Variants in MOB3C observed in about 807,000 individuals in gnomAD.
MOB3C encodes MOB kinase activator 3C.
MOB3C carries 17 observed loss-of-function variants against 19.8 expected under a neutral mutation model. That is an observed-to-expected ratio of 0.86 (90% CI 0.59 to 1.29). The LOEUF is 1.29. Among genes scored for constraint, MOB3C ranks in the 50% most tolerant of loss-of-function variants. The pLI, the probability that MOB3C is intolerant of heterozygous loss-of-function variation, is 0.00. For missense variants in MOB3C, 291 were observed against 301.9 expected (o/e 0.96, Z 0.27); for synonymous variants, 101 against 119.2 (o/e 0.85, Z 0.99).
At chr1:46,609,777 G>C (rs950088596) in intron 3 of MOB3C, 93 bp from the exon 4 acceptor site, 72 of 1,532,942 alleles carry the variant, frequency 4.7e-5, no homozygotes, top group Non-Finnish European at 6.2e-5. Context: ...TCTTCTGTCT[G>C]AGCCTGGCCT....
At chr1:46,616,621 T>C (rs1675566450) in intron 1 of MOB3C, 90 bp downstream of exon 1, 2 of 152,124 alleles carry the variant, frequency 1.3e-5, no homozygotes, top group Admixed American at 6.5e-5. Flanking sequence ...TCCTCCGGAC[T>C]GTGCCACGCC....
Position 46,609,332 on chromosome 1 carries a change from T to C in MOB3C, c.*323A>G, listed in dbSNP as rs1323750872. 1 of 446,032 alleles carries C rather than the reference T, an allele frequency of 2.2e-6. No homozygotes were observed. The highest frequency in any genetic ancestry group is 2.0e-5 in the African/African-American group (1 of 49,940). 27.6% of individuals were successfully genotyped at this position (446,032 alleles called of 1,614,324 possible). ...TGCCATCACCTCGGCCACACCCACATTCCTCCAATAGGCTTGGGAACCAGC... is the reference window on the plus strand; with the variant it reads ...TGCCATCACCTCGGCCACACCCACACTCCTCCAATAGGCTTGGGAACCAGC... On this transcript the variant is annotated 3_prime_UTR_variant, in exon 4 of 4. Coordinates refer to ENST00000319928, the MANE Select transcript of MOB3C (RefSeq NM_201403.3).
At chr1:46,613,691 C>T (rs1472607503) in intron 1 of MOB3C, 7 of 353,150 alleles carry the variant, frequency 2.0e-5, no homozygotes, top group Middle Eastern at 7.5e-4. Flanking sequence ...AGGCTCCCTG[C>T]AGGCCCACCA....
chr1:46,611,126 A>T lies in MOB3C; in HGVS notation c.419-922T>A, dbSNP rs143872620. Among the ~76,000 whole-genome samples, 2 of 152,172 alleles carry T rather than the reference A, an allele frequency of 1.3e-5. No individual in the cohort carries two copies. The highest frequency in any genetic ancestry group is 4.8e-5 in the African/African-American group (2 of 41,424). On this transcript the variant is annotated intron_variant, in intron 2 of 3. Transcript: ENST00000319928. This position sits in a 1 kb window ranked among gnomAD's most constrained non-coding sequence, Gnocchi z 4.1. ...GCAAGAGTTAGTTCAGACAGCCCTC[A>T]TTCCTTCAAATATTCAACAACACGA...
chr1:46,609,542 G>A lies in MOB3C; in HGVS notation c.*113C>T. 7.5e-7 allele frequency: 1 copy of A among 1,331,802 alleles called. No individual in the cohort carries two copies. Among genetic ancestry groups the A allele is most frequent in the Non-Finnish European group, 1.1e-6 (1 of 932,656 alleles). The allele number at this position is 1,331,802 out of a possible 1,614,324, so 82.5% of individuals were successfully genotyped here. On this transcript the variant is annotated 3_prime_UTR_variant, in exon 4 of 4. Transcript: ENST00000319928. ...AACCAGAAGTCCAGAGGCTTTGGGTGTGTGGAGTGATTCCAGTGCCTTCAG... is the reference window on the plus strand; with the variant it reads ...AACCAGAAGTCCAGAGGCTTTGGGTATGTGGAGTGATTCCAGTGCCTTCAG...
In MOB3C at chr1:46,609,064, T is replaced by G. The variant is rs180737044; in HGVS notation, c.*591A>C. On this transcript the variant is annotated 3_prime_UTR_variant, in exon 4 of 4. Transcript: ENST00000319928. ...CACTTACACACATGGTCAGATACAC[T>G]GAGTGGGGACGCTGAGCTGTCATCA... 3.6e-3 allele frequency: 589 copies of G among 162,328 alleles called. 3 individuals are homozygous for G. The highest frequency in any genetic ancestry group is 0.013 in the African/African-American group (552 of 41,588). 10.1% of individuals were successfully genotyped at this position (162,328 alleles called of 1,614,324 possible).
At chr1:46,614,916 T>C (rs1158280656) in intron 1 of MOB3C, 5 of 1,355,014 alleles carry the variant, frequency 3.7e-6, no homozygotes, top group Non-Finnish European at 5.3e-6. Context: ...GAGAGCAGCT[T>C]GGAGAGTAGA....
At chr1:46,610,820 A>C (rs183373834) in intron 2 of MOB3C, among the ~76,000 whole-genome samples, 67 of 152,316 alleles carry the variant, frequency 4.4e-4, no homozygotes, top group Non-Finnish European at 5.0e-4. Flanking sequence ...TTTTTAGACT[A>C]TGATAAAAGT....
At chr1:46,614,905 T>G in intron 1 of MOB3C, 12 of 1,278,864 alleles carry the variant, frequency 9.4e-6, no homozygotes, top group East Asian at 2.4e-5. Flanking sequence ...TCTGGTAAAA[T>G]GAGAGCAGCT....
At chr1:46,614,874 G>T in intron 1 of MOB3C, 2 of 916,814 alleles carry the variant, frequency 2.2e-6, no homozygotes, top group Non-Finnish European at 3.4e-6. Flanking sequence ...AACCCACAAA[G>T]GCAGGCCAGG....
At chr1:46,610,850 A>G (rs1182983433) in intron 2 of MOB3C, among the ~76,000 whole-genome samples, 1 of 152,216 alleles carries the variant, frequency 6.6e-6, no homozygotes, top group Non-Finnish European at 1.5e-5. Flanking sequence ...AACTCTCCCC[A>G]GAAATATGTG....
At position 46,609,623 on chromosome 1, in the gene MOB3C, C is replaced by T. The variant is rs1675427355; in HGVS notation, c.*32G>A. The T allele has an allele frequency of 6.2e-7, 1 of 1,613,812 alleles. No homozygotes were observed. Among genetic ancestry groups the T allele is most frequent in the African/African-American group, 1.3e-5 (1 of 74,886 alleles). ...CCAGCCACCCTATGTTCAGATCGTC[C>T]ATCTGATGGCCAAAAAAGTCCAGAC... On this transcript the variant is annotated 3_prime_UTR_variant, in exon 4 of 4. Coordinates refer to ENST00000319928, the MANE Select transcript of MOB3C (RefSeq NM_201403.3).
chr1:46,613,446 T>C, intron 1 of MOB3C, 75 bp from the exon 2 acceptor site: 2 of 1,350,264 alleles, frequency 1.5e-6, no homozygotes, highest in Non-Finnish European at 2.0e-6. Flanking sequence ...CAATTCATCA[T>C]TTCCCTGTCA....
At position 46,609,419 on chromosome 1, in the gene MOB3C, C is replaced by T; in HGVS notation, c.*236G>A. 2 of 603,198 alleles carry T rather than the reference C, an allele frequency of 3.3e-6. No individual in the cohort carries two copies. Among genetic ancestry groups the T allele is most frequent in the Non-Finnish European group, 5.9e-6 (2 of 337,506 alleles). The allele number at this position is 603,198 out of a possible 1,614,324, so 37.4% of individuals were successfully genotyped here. ...CCTACCCTACTCCCAGACTTCATGC[C>T]AGAGGTTTAACTCCACTTCCCTTCT... On this transcript the variant is annotated 3_prime_UTR_variant, in exon 4 of 4. Transcript: ENST00000319928.
At chr1:46,615,163 C>T (rs1029940008) in intron 1 of MOB3C, 5 of 998,358 alleles carry the variant, frequency 5.0e-6, no homozygotes, top group Non-Finnish European at 7.8e-6. Context: ...GGGCTCCCCA[C>T]ATTGCATGGC....
chr1:46,612,628 G>T (rs1479468316), intron 2 of MOB3C, among the ~76,000 whole-genome samples: 2 of 145,718 alleles, frequency 1.4e-5, no homozygotes, highest in Non-Finnish European at 3.0e-5. Context: ...CTCACCACTG[G>T]GTGAAAGACC....
At chr1:46,609,867 G>A (rs1027765798) in intron 3 of MOB3C, 135 bp downstream of exon 3, 1 of 1,236,036 alleles carries the variant, frequency 8.1e-7, no homozygotes, top group Non-Finnish European at 1.2e-6. Context: ...TTGAAGTACA[G>A]AATTCACTGT....
intron 3 of MOB3C, 89 bp downstream of exon 3, chr1:46,609,913 G>A: frequency 6.9e-7 from 1 of 1,442,140 alleles, no homozygotes; most frequent in Non-Finnish European, 9.7e-7. Flanking sequence ...ATCTACTTGG[G>A]CGTTGGAGTT....
chr1:46,613,575 G>T, intron 1 of MOB3C: 1 of 584,432 alleles, frequency 1.7e-6, no homozygotes, highest in Non-Finnish European at 3.0e-6. Flanking sequence ...AGCCCCCACA[G>T]TCCTCCCATC....
Sources: allele counts gnomAD v4.1 joint callset (sites outside exome capture counted in the v4.1 genomes callset), GRCh38; gene constraint gnomAD v4.1.1; non-coding constraint Gnocchi (gnomAD v3.1); transcripts MANE v1.5; gene names NCBI Gene and HGNC (gene_info 2026-07-23, HGNC 2026-07-21).